KBTBD11: variants seen among roughly 807,000 people sequenced by gnomAD.
KBTBD11 encodes the protein kelch repeat and BTB domain containing 11, also known as kelch repeat and BTB domain-containing protein 11.
For synonymous variants in KBTBD11, 747 were observed against 499.0 expected, an observed-to-expected ratio of 1.50 and a Z score of -6.63; for missense variants, 1,390 against 1,001.8, an observed-to-expected ratio of 1.39 and a Z score of -5.23.
intron 1 of KBTBD11, among the ~76,000 whole-genome samples, chr8:1,992,139 C>T (rs1326050894): frequency 1.3e-5 from 2 of 152,088 alleles, no homozygotes; most frequent in Non-Finnish European, 2.9e-5. Flanking sequence ...GTTCATTCCA[C>T]CAGGAAGAGG....
intron 1 of KBTBD11, among the ~76,000 whole-genome samples, chr8:1,976,886 G>C (rs1400673094): frequency 6.6e-6 from 1 of 152,176 alleles, no homozygotes; most frequent in Non-Finnish European, 1.5e-5. Flanking sequence ...CTAGAGCACG[G>C]AGAGGTCAGT....
At position 2,002,175 on chromosome 8, in the gene KBTBD11, A is replaced by G. The variant is rs1350927146; in HGVS notation, c.983A>G (p.Tyr328Cys). 3 of 1,237,734 alleles carry G rather than the reference A, an allele frequency of 2.4e-6. No homozygotes were observed. The highest frequency in any genetic ancestry group is 1.6e-5 in the African/African-American group (1 of 62,294). The allele number at this position is 1,237,734 out of a possible 1,614,324, so 76.7% of individuals were successfully genotyped here. A position where few individuals can be genotyped will look rare whatever the true frequency, so the allele number is the denominator to read the frequency against. Reference sequence around the variant, plus strand: ...GACGCGCGCGGGGACGCGGCCGTCTACTGCTTCCACGCGGCGGCCGGAGAG... The same window carrying G: ...GACGCGCGCGGGGACGCGGCCGTCTGCTGCTTCCACGCGGCGGCCGGAGAG... ...DADARGDAAV[Y>C]CFHAAAGEWR... The change falls in exon 2 of 2, where the codon TAC becomes TGC. Residue 328 changes from tyrosine (Y) to cysteine (C), a missense_variant. Transcript: ENST00000320248. The surrounding 1 kb of genome is among the most constrained non-coding windows in gnomAD (Gnocchi z 4.1).
chr8:2,002,099 CCGG>C lies in KBTBD11; in HGVS notation c.911_913del (p.Ala304del). The C allele has an allele frequency of 1.2e-5, 13 of 1,091,280 alleles. No homozygotes were observed. The highest frequency in any genetic ancestry group is 1.4e-5 in the Non-Finnish European group (13 of 901,392). The allele number at this position is 1,091,280 out of a possible 1,614,324, so 67.6% of individuals were successfully genotyped here. A position where few individuals can be genotyped will look rare whatever the true frequency, so the allele number is the denominator to read the frequency against. On this transcript the variant is annotated inframe_deletion, in exon 2 of 2. Coordinates refer to ENST00000320248, the MANE Select transcript of KBTBD11 (RefSeq NM_014867.3). This position sits in a 1 kb window ranked among gnomAD's most constrained non-coding sequence, Gnocchi z 4.1. ...CCACCTCTTGGCCGCGGCGCTCGGGCCGGCGGGGGAGCGCGCGGGCAGCCGGCC... is the reference window on the plus strand; with the variant it reads ...CCACCTCTTGGCCGCGGCGCTCGGGCCGGGGGAGCGCGCGGGCAGCCGGCC...
rs1227937102 is a variant in KBTBD11 at position 2,001,729 on chromosome 8, G to A, written c.537G>A (p.Val179=). Residue 179 remains valine (V), a synonymous_variant, in exon 2 of 2, where the codon GTG becomes GTA. Transcript: ENST00000320248. The part of the protein sequence containing the change: ...ASRDVLRVQG[V]SLTALRLLLA... ...GGGACGTGCTGCGGGTGCAGGGAGT[G>A]AGCCTGACGGCGCTGCGGCTGCTCC... is the stretch of plus-strand genomic sequence containing the variant. 19 of 1,372,120 alleles carry A rather than the reference G, an allele frequency of 1.4e-5. No homozygotes were observed. Among genetic ancestry groups the A allele is most frequent in the Non-Finnish European group, 1.7e-5 (18 of 1,065,730 alleles). 85.0% of individuals were successfully genotyped at this position (1,372,120 alleles called of 1,614,324 possible). A position where few individuals can be genotyped will look rare whatever the true frequency, so the allele number is the denominator to read the frequency against.
intron 1 of KBTBD11, among the ~76,000 whole-genome samples, chr8:1,993,520 C>CCCAT (rs1171453325): frequency 8.5e-6 from 1 of 117,550 alleles, no homozygotes; most frequent in African/African-American, 3.4e-5. Context: ...CATCCATCCA[C>CCCAT]CCATCCATCC....
In KBTBD11 at chr8:2,002,747, C is replaced by A. The variant is rs1254842905; in HGVS notation, c.1555C>A (p.Pro519Thr). 6 of 1,495,174 alleles carry A rather than the reference C, an allele frequency of 4.0e-6. No individual in the cohort carries two copies. The highest frequency in any genetic ancestry group is 4.4e-6 in the Non-Finnish European group (5 of 1,129,464). The allele number at this position is 1,495,174 out of a possible 1,614,324, so 92.6% of individuals were successfully genotyped here. Residue 519 changes from proline to threonine, a missense_variant, in exon 2 of 2, where the codon CCG becomes ACG. Physicochemically the swap from Pro to Thr is conservative, Grantham distance 38. Transcript: ENST00000320248. The surrounding 1 kb of genome is among the most constrained non-coding windows in gnomAD (Gnocchi z 4.1). ...CCGCGGCGAGGCGCAGGCGGCGGGGCCGAGCGGGGTCAGCGTGTCCCGATA... is the reference window on the plus strand; with the variant it reads ...CCGCGGCGAGGCGCAGGCGGCGGGGACGAGCGGGGTCAGCGTGTCCCGATA... Reference protein sequence around the residue: ...GSRGEAQAAGPSGVSVSRYHC... With the variant: ...GSRGEAQAAGTSGVSVSRYHC...
rs770925416 is a variant in KBTBD11, at chr8:2,001,973, G to C, written c.781G>C (p.Asp261His). The change falls in exon 2 of 2, where the codon GAC becomes CAC. Residue 261 changes from aspartate (D) to histidine (H), a missense_variant. Physicochemically the swap from Asp to His is moderately conservative, Grantham distance 81 (BLOSUM62 -1). Coordinates refer to ENST00000320248, the MANE Select transcript of KBTBD11 (RefSeq NM_014867.3). ...LRDAAYCFMS[D>H]HYLEVLREPA... ...CGACGCCGCCTACTGCTTCATGAGC[G>C]ACCACTATCTGGAGGTGCTGCGCGA... 27 of 1,467,050 alleles carry C rather than the reference G, an allele frequency of 1.8e-5. No individual in the cohort carries two copies. The African/African-American group carries it at 3.5e-4, about 19-fold the overall frequency. 90.9% of individuals were successfully genotyped at this position (1,467,050 alleles called of 1,614,324 possible).
intron 1 of KBTBD11, chr8:1,974,681 C>T (rs1816264257): frequency 1.6e-5 from 16 of 985,414 alleles, no homozygotes; most frequent in Middle Eastern, 5.2e-4. Flanking sequence ...CTGGGGAGAC[C>T]CCCGGGCGGT....
Position 2,002,728 on chromosome 8 carries a change from C to G in KBTBD11, c.1536C>G (p.Gly512=), listed in dbSNP as rs191306497. ...GCTTCGATCTGAGCGGCAGCCGCGG[C>G]GAGGCGCAGGCGGCGGGGCCGAGCG... ...IYRFDLSGSR[G]EAQAAGPSGV... is the part of the protein sequence containing the mutation. Residue 512 remains glycine, a synonymous_variant, in exon 2 of 2, where the codon GGC becomes GGG. Coordinates refer to ENST00000320248, the MANE Select transcript of KBTBD11 (RefSeq NM_014867.3). This position sits in a 1 kb window ranked among gnomAD's most constrained non-coding sequence, Gnocchi z 4.1. 3.4e-4 allele frequency: 519 copies of G among 1,508,752 alleles called. 1 individual carries two copies. The African/African-American group carries it at 6.7e-3, about 20-fold the overall frequency. 93.5% of individuals were successfully genotyped at this position (1,508,752 alleles called of 1,614,324 possible).
intron 1 of KBTBD11, among the ~76,000 whole-genome samples, chr8:1,978,459 G>T (rs1166378363): frequency 6.6e-6 from 1 of 152,190 alleles, no homozygotes; most frequent in African/African-American, 2.4e-5. Context: ...GGCCCCTCGG[G>T]GACCTTCCCC....
intron 1 of KBTBD11, among the ~76,000 whole-genome samples, chr8:1,995,459 G>T (rs1187890512): frequency 6.6e-6 from 1 of 152,104 alleles, no homozygotes; most frequent in East Asian, 1.9e-4. Flanking sequence ...GTTTTAGGCT[G>T]TGTAATTCTG....
chr8:2,001,595 G>T lies in KBTBD11; in HGVS notation c.403G>T (p.Ala135Ser). The T allele has an allele frequency of 6.8e-7, 1 of 1,465,662 alleles. No individual in the cohort carries two copies. The allele number at this position is 1,465,662 out of a possible 1,614,324, so 90.8% of individuals were successfully genotyped here. A position where few individuals can be genotyped will look rare whatever the true frequency, so the allele number is the denominator to read the frequency against. The change falls in exon 2 of 2, where the codon GCG (alanine) becomes TCG (serine). Residue 135 changes from alanine (A) to serine (S), a missense_variant. By Grantham distance (99) the Ala-to-Ser change is moderately conservative (BLOSUM62 1). Coordinates refer to ENST00000320248, the MANE Select transcript of KBTBD11 (RefSeq NM_014867.3). Reference protein sequence around the residue: ...EPAPVPPGFGAVYGEPDLVLE... With the variant: ...EPAPVPPGFGSVYGEPDLVLE... Reference sequence around the variant, plus strand: ...CGCGCCCGTACCCCCGGGGTTCGGGGCGGTGTACGGGGAGCCGGACCTGGT... The same window carrying T: ...CGCGCCCGTACCCCCGGGGTTCGGGTCGGTGTACGGGGAGCCGGACCTGGT...
Position 2,006,103 on chromosome 8 carries a change from T to C in KBTBD11, c.*3039T>C, listed in dbSNP as rs1297252915. The C allele has an allele frequency of 6.0e-6, 1 of 167,112 alleles. No individual in the cohort carries two copies. The highest frequency in any genetic ancestry group is 6.5e-5 in the Admixed American group (1 of 15,296). 10.4% of individuals were successfully genotyped at this position (167,112 alleles called of 1,614,324 possible). ...GAAAATGAATGTTGTGGAAATTCTT[T>C]GGCTACTTAACTAAAACTCGTGACT... On this transcript the variant is annotated 3_prime_UTR_variant, in exon 2 of 2. Coordinates refer to ENST00000320248, the MANE Select transcript of KBTBD11 (RefSeq NM_014867.3).
intron 1 of KBTBD11, among the ~76,000 whole-genome samples, chr8:1,985,044 A>G (rs1293734135): frequency 6.6e-6 from 1 of 152,244 alleles, no homozygotes; most frequent in African/African-American, 2.4e-5. Flanking sequence ...GGGCATCCAC[A>G]GTATGCCCTG....
In KBTBD11 at chr8:2,003,277, C is replaced by T. The variant is rs1285563835; in HGVS notation, c.*213C>T. ...TTCTGGGGGTGGATGCCTTGAGACC[C>T]AGGAGGTGTGCGGATGGGTCCCTTG... On this transcript the variant is annotated 3_prime_UTR_variant, in exon 2 of 2. Coordinates refer to ENST00000320248, the MANE Select transcript of KBTBD11 (RefSeq NM_014867.3). The T allele has an allele frequency of 2.9e-6, 2 of 697,964 alleles. No homozygotes were observed. Among genetic ancestry groups the T allele is most frequent in the African/African-American group, 3.7e-5 (2 of 53,474 alleles). The allele number at this position is 697,964 out of a possible 1,614,324, so 43.2% of individuals were successfully genotyped here.
chr8:1,999,630 C>T (rs189493583), intron 1 of KBTBD11, among the ~76,000 whole-genome samples: 9 of 152,324 alleles, frequency 5.9e-5, no homozygotes, highest in Non-Finnish European at 1.0e-4. Flanking sequence ...CCTTTTGCTG[C>T]ATTTAGGCTG....
At chr8:1,994,494 G>T (rs995018003) in intron 1 of KBTBD11, among the ~76,000 whole-genome samples, 1 of 152,258 alleles carries the variant, frequency 6.6e-6, no homozygotes, top group Non-Finnish European at 1.5e-5. Flanking sequence ...GATGGCGTGG[G>T]CAGTGGAGCC....
rs1385404229 is a variant in KBTBD11, at chr8:2,000,838, T to G, written c.-355T>G. On this transcript the variant is annotated 5_prime_UTR_variant, in exon 2 of 2. Transcript: ENST00000320248. ...ACCCAGGCTGCAGAAACAACCGCAG[T>G]CAACTGCAGCTCCAGTCATTGCTGG... 3 of 247,876 alleles carry G rather than the reference T, an allele frequency of 1.2e-5. No homozygotes were observed. Among genetic ancestry groups the G allele is most frequent in the Non-Finnish European group, 2.3e-5 (3 of 130,054 alleles). The allele number at this position is 247,876 out of a possible 1,614,324, so 15.4% of individuals were successfully genotyped here.
At chr8:1,987,344 C>T (rs1021233833) in intron 1 of KBTBD11, among the ~76,000 whole-genome samples, 5 of 152,146 alleles carry the variant, frequency 3.3e-5, no homozygotes, top group South Asian at 2.1e-4. Context: ...TTTATTTGAA[C>T]AGTGTTAGCG....
Sources: gnomAD v4.1 joint callset for allele counts (sites outside exome capture counted in the v4.1 genomes callset) on GRCh38, gnomAD v4.1.1 for gene constraint, Gnocchi (gnomAD v3.1) non-coding constraint, MANE v1.5 for transcripts, NCBI Gene and HGNC (gene_info 2026-07-23, HGNC 2026-07-21) for gene names.